IPCEF1: variants seen among roughly 807,000 people sequenced by gnomAD.
The protein encoded by IPCEF1 is interaction protein for cytohesin exchange factors 1.
A neutral mutation model predicts 50.9 loss-of-function variants in IPCEF1; 31 were observed. The ratio of observed to expected loss-of-function variants is 0.61; its 90% CI spans 0.46 to 0.82. The LOEUF is 0.82. IPCEF1 is among the 40% of genes least tolerant of loss of function. The pLI is 0.00. For missense variants in IPCEF1, 458 were observed against 514.0 expected (o/e 0.89, Z 1.05); for synonymous variants, 181 against 192.0 (o/e 0.94, Z 0.47).
Position 154,158,932 on chromosome 6 carries a change from A to T in IPCEF1, c.*896T>A, listed in dbSNP as rs1798820874. The T allele has an allele frequency of 6.6e-6, 1 of 152,132 alleles. No individual in the cohort carries two copies. Among genetic ancestry groups the T allele is most frequent in the Non-Finnish European group, 1.5e-5 (1 of 68,030 alleles). The allele number at this position is 152,132 out of a possible 1,614,324, so 9.4% of individuals were successfully genotyped here. On this transcript the variant is annotated 3_prime_UTR_variant, in exon 12 of 12. Coordinates refer to ENST00000367220, the MANE Select transcript of IPCEF1 (RefSeq NM_001130700.2). Reference sequence around the variant, plus strand: ...TGTTTTTTTGTTTTTTTGAGTAAAGATATTAAAACAATTCAGATGCCAAAG... The same window carrying T: ...TGTTTTTTTGTTTTTTTGAGTAAAGTTATTAAAACAATTCAGATGCCAAAG...
At chr6:154,329,920 A>G (rs1333613591) in intron 1 of IPCEF1, 1 of 152,330 alleles carries the variant, frequency 6.6e-6, no homozygotes, top group Non-Finnish European at 1.5e-5. Flanking sequence ...GCAAACTCCA[A>G]AGTACTTCCC....
At chr6:154,206,553 A>G (rs1005848326) in intron 9 of IPCEF1, among the ~76,000 whole-genome samples, 1 of 152,258 alleles carries the variant, frequency 6.6e-6, no homozygotes, top group Non-Finnish European at 1.5e-5. Flanking sequence ...AATTAGAGAA[A>G]TAAACCAGAT....
At chr6:154,202,237 C>T (rs1777128343) in intron 9 of IPCEF1, among the ~76,000 whole-genome samples, 1 of 152,190 alleles carries the variant, frequency 6.6e-6, no homozygotes, top group African/African-American at 2.4e-5. Flanking sequence ...TAATCATATA[C>T]TGGCACGTAC....
At chr6:154,207,541 G>C (rs1365233266) in intron 9 of IPCEF1, among the ~76,000 whole-genome samples, 1 of 147,182 alleles carries the variant, frequency 6.8e-6, no homozygotes, top group Non-Finnish European at 1.5e-5. Context: ...ACCTCCTTCT[G>C]TGTTTAAACT....
intron 10 of IPCEF1, among the ~76,000 whole-genome samples, chr6:154,186,368 A>G (rs1801343887): frequency 6.6e-6 from 1 of 152,184 alleles, no homozygotes; most frequent in Non-Finnish European, 1.5e-5. Flanking sequence ...GCATGTCAGC[A>G]AATTCCATTG....
chr6:154,259,369 C>T (rs1036769868), intron 3 of IPCEF1, among the ~76,000 whole-genome samples: 10 of 152,054 alleles, frequency 6.6e-5, no homozygotes, highest in Admixed American at 3.9e-4. Flanking sequence ...ATATGAAATG[C>T]GCGCTGGGCA....
intron 5 of IPCEF1, among the ~76,000 whole-genome samples, chr6:154,226,157 T>G (rs1386838622): frequency 6.6e-6 from 1 of 152,188 alleles, no homozygotes; most frequent in Non-Finnish European, 1.5e-5. Context: ...TCCAAAACTC[T>G]CTATGGATGA....
chr6:154,190,650 C>G (rs1801791742), intron 10 of IPCEF1, among the ~76,000 whole-genome samples: 1 of 152,166 alleles, frequency 6.6e-6, no homozygotes, highest in Admixed American at 6.5e-5. Context: ...AGCAATTGTA[C>G]TCATTGCTAT....
intron 1 of IPCEF1, among the ~76,000 whole-genome samples, chr6:154,348,518 G>T (rs1309430371): frequency 6.6e-6 from 1 of 152,166 alleles, no homozygotes; most frequent in East Asian, 1.9e-4. Flanking sequence ...ACATTACGTG[G>T]AAAATATTAG....
intron 11 of IPCEF1, 27 bp from the exon 12 acceptor site, chr6:154,160,067 G>A (rs769660050): frequency 1.6e-5 from 25 of 1,547,628 alleles, no homozygotes; most frequent in South Asian, 2.3e-5. Context: ...AAAGGGGAAG[G>A]GGGTATGTTG....
At chr6:154,349,635 A>G (rs1477122551) in intron 1 of IPCEF1, among the ~76,000 whole-genome samples, 3 of 152,136 alleles carry the variant, frequency 2.0e-5, no homozygotes, top group Non-Finnish European at 4.4e-5. Context: ...ACATTTGCCT[A>G]TAAGTAGTTA....
At chr6:154,223,782 CATT>C (rs1357704779) in intron 5 of IPCEF1, among the ~76,000 whole-genome samples, 1 of 152,222 alleles carries the variant, frequency 6.6e-6, no homozygotes, top group East Asian at 1.9e-4. Flanking sequence ...ACTCAACAAA[CATT>C]ATTTCCTCTC....
At chr6:154,281,959 G>T (rs1782224619) in intron 2 of IPCEF1, among the ~76,000 whole-genome samples, 1 of 152,094 alleles carries the variant, frequency 6.6e-6, no homozygotes, top group Non-Finnish European at 1.5e-5. Context: ...AGCCAAGATG[G>T]CACCATTGCA....
At chr6:154,165,308 C>G (rs1206630020) in intron 11 of IPCEF1, among the ~76,000 whole-genome samples, 1 of 152,200 alleles carries the variant, frequency 6.6e-6, no homozygotes, top group Non-Finnish European at 1.5e-5. Flanking sequence ...ATCCTCTCCT[C>G]TTCCTCAAAG....
chr6:154,166,676 T>C (rs1799460743), intron 11 of IPCEF1, among the ~76,000 whole-genome samples: 1 of 152,204 alleles, frequency 6.6e-6, no homozygotes, highest in South Asian at 2.1e-4. Flanking sequence ...GTCCATTCAA[T>C]GGTCCCAGTC....
chr6:154,209,643 CAAAA>C (rs34423257), intron 9 of IPCEF1, among the ~76,000 whole-genome samples: 3 of 107,916 alleles, frequency 2.8e-5, no homozygotes. Flanking sequence ...GACTGTGTCT[CAAAA>C]AAAAAAAAAA....
chr6:154,161,299 C>A (rs940731661), intron 11 of IPCEF1, among the ~76,000 whole-genome samples: 2 of 151,730 alleles, frequency 1.3e-5, no homozygotes, highest in Non-Finnish European at 1.5e-5. Context: ...CAAGCTCTGC[C>A]TCCCAGGTTC....
chr6:154,233,421 A>T (rs1779873946), intron 5 of IPCEF1, among the ~76,000 whole-genome samples: 1 of 152,200 alleles, frequency 6.6e-6, no homozygotes, highest in Non-Finnish European at 1.5e-5. Flanking sequence ...TATTTTTACT[A>T]AAATATTGTT....
At chr6:154,311,865 A>G (rs1783086024) in intron 1 of IPCEF1, among the ~76,000 whole-genome samples, 1 of 152,232 alleles carries the variant, frequency 6.6e-6, no homozygotes, top group Non-Finnish European at 1.5e-5. Flanking sequence ...AAATTAGTAC[A>G]GCCAATATGG....
Sources: gnomAD v4.1 joint callset for allele counts (sites outside exome capture counted in the v4.1 genomes callset) on GRCh38, gnomAD v4.1.1 for gene constraint, MANE v1.5 for transcripts, NCBI Gene and HGNC (gene_info 2026-07-23, HGNC 2026-07-21) for gene names.